SORCS3: variants seen among roughly 807,000 people sequenced by gnomAD.
SORCS3 encodes the protein VPS10 domain-containing receptor SorCS3.
Under a neutral mutation model 146.3 loss-of-function variants are expected in SORCS3, and 57 were observed. That is an observed-to-expected ratio of 0.39 (90% CI 0.31 to 0.49). The LOEUF (loss-of-function observed/expected upper bound fraction) is 0.49, where lower values mean the gene tolerates loss of function less well. SORCS3 is among the 20% of genes least tolerant of loss of function. The probability of loss-of-function intolerance (pLI) is 0.92; values close to 1 mark genes in which losing one functional copy is unlikely to be tolerated. For synonymous variants in SORCS3, 653 were observed against 618.5 expected (o/e 1.06, Z -0.83); for missense variants, 1,341 against 1,575.5 (o/e 0.85, Z 2.52).
At chr10:104,681,034 T>G (rs1033296386) in intron 1 of SORCS3, among the ~76,000 whole-genome samples, 3 of 152,200 alleles carry the variant, frequency 2.0e-5, no homozygotes, top group Non-Finnish European at 4.4e-5. Context: ...GAGCTCCGCC[T>G]CGGTTCCCCT....
At chr10:105,083,729 A>T (rs1248875057) in intron 5 of SORCS3, among the ~76,000 whole-genome samples, 1 of 152,140 alleles carries the variant, frequency 6.6e-6, no homozygotes, top group Non-Finnish European at 1.5e-5. Flanking sequence ...CTTCTTACCA[A>T]TTACCTTCAA....
intron 1 of SORCS3, among the ~76,000 whole-genome samples, chr10:104,660,678 G>T (rs567727437): frequency 6.6e-6 from 1 of 152,182 alleles, no homozygotes; most frequent in African/African-American, 2.4e-5. Context: ...AATGAGTTGG[G>T]GATGGTTTGG....
chr10:105,036,397 A>G (rs2055306982), intron 4 of SORCS3, among the ~76,000 whole-genome samples: 1 of 152,016 alleles, frequency 6.6e-6, no homozygotes, highest in South Asian at 2.1e-4. Context: ...AGATCAGGGA[A>G]CCTTGTGCTA....
At chr10:105,073,154 AAG>A (rs10598929) in intron 5 of SORCS3, among the ~76,000 whole-genome samples, 104,481 of 151,772 alleles carry the variant, frequency 0.69, 36,152 homozygotes, top group East Asian at 0.83. Context: ...CACACTGAGG[AAG>A]AGACAGGAAA....
intron 7 of SORCS3, among the ~76,000 whole-genome samples, chr10:105,110,638 G>A (rs1239672778): frequency 6.6e-6 from 1 of 151,938 alleles, no homozygotes; most frequent in Admixed American, 6.6e-5. Context: ...GGGTCCTTCT[G>A]ATAAGACAGA....
intron 20 of SORCS3, among the ~76,000 whole-genome samples, chr10:105,240,012 T>A (rs986031869): frequency 3.3e-5 from 5 of 152,202 alleles, no homozygotes; most frequent in Non-Finnish European, 7.3e-5. Context: ...GGACCAAGTG[T>A]TCCCATTCAG....
At chr10:104,684,521 T>C (rs2016018500) in intron 1 of SORCS3, among the ~76,000 whole-genome samples, 1 of 152,186 alleles carries the variant, frequency 6.6e-6, no homozygotes, top group Non-Finnish European at 1.5e-5. Context: ...TAAGGCTGAC[T>C]CCTTGCCCTT....
chr10:105,003,998 C>CTTTTTTTTTTTTTTTTTTTTTTTTTTTT lies in SORCS3; in HGVS notation c.954+26506_954+26507insTTTTTTTTTTTTTTTTTTTTTTTTTTTT, dbSNP rs35604992. On this transcript the variant is annotated intron_variant, in intron 4 of 26. Coordinates refer to ENST00000369701, the MANE Select transcript of SORCS3 (RefSeq NM_014978.3). ...TTCCCCTCCTTTTTTTCTCTTCTCT[C>CTTTTTTTTTTTTTTTTTTTTTTTTTTTT]TCTTTTTTTTTTTTTTACCAGAGAA... 1.5e-4 allele frequency among the ~76,000 whole-genome samples: 21 copies of CTTTTTTTTTTTTTTTTTTTTTTTTTTTT among 136,032 alleles called. 2 individuals carry two copies. The highest frequency in any genetic ancestry group is 4.5e-4 in the South Asian group (2 of 4,458). The allele number at this position is 136,032 out of a possible 152,430, so 89.2% of individuals were successfully genotyped here. A position where few individuals can be genotyped will look rare whatever the true frequency, so the allele number is the denominator to read the frequency against.
At chr10:104,756,141 C>T (rs754780272) in intron 1 of SORCS3, among the ~76,000 whole-genome samples, 3 of 152,102 alleles carry the variant, frequency 2.0e-5, no homozygotes, top group Non-Finnish European at 4.4e-5. Context: ...CTCTGAGCCT[C>T]GCAACACTAT....
chr10:104,719,079 A>T (rs1450483860), intron 1 of SORCS3, among the ~76,000 whole-genome samples: 1 of 152,166 alleles, frequency 6.6e-6, no homozygotes, highest in Non-Finnish European at 1.5e-5. Context: ...TGTAATTACT[A>T]TAAAAATATT....
chr10:104,739,538 G>A (rs924879098), intron 1 of SORCS3, among the ~76,000 whole-genome samples: 1 of 152,088 alleles, frequency 6.6e-6, no homozygotes, highest in Non-Finnish European at 1.5e-5. Context: ...CATCACCAAC[G>A]AGTCAAGACA....
At chr10:105,154,962 T>G (rs917041757) in intron 9 of SORCS3, among the ~76,000 whole-genome samples, 4 of 152,184 alleles carry the variant, frequency 2.6e-5, no homozygotes, top group African/African-American at 7.2e-5. Context: ...CTTTGAACTA[T>G]CCAAACACAA....
intron 23 of SORCS3, 48 bp from the exon 24 acceptor site, chr10:105,255,654 C>A: frequency 7.8e-7 from 1 of 1,283,672 alleles, no homozygotes; most frequent in Non-Finnish European, 1.1e-6. Context: ...CATGAGGGAG[C>A]ATCATTGCAT....
intron 1 of SORCS3, among the ~76,000 whole-genome samples, chr10:104,683,491 C>G (rs1302868186): frequency 6.6e-6 from 1 of 152,150 alleles, no homozygotes; most frequent in Non-Finnish European, 1.5e-5. Flanking sequence ...ATGATTTTTG[C>G]CCTCAGCATG....
rs1356146944 is a variant in SORCS3, at chr10:104,977,430, C to G, written c.891C>G (p.Ile297Met). The G allele has an allele frequency of 6.2e-7, 1 of 1,613,674 alleles. No homozygotes were observed. The highest frequency in any genetic ancestry group is 8.5e-7 in the Non-Finnish European group (1 of 1,179,886). ...AGAAGTATCGGCTCACCTTCTATAT[C>G]CAGAGCCTGCTCTTTCATCCCAAGC... is the stretch of plus-strand genomic sequence containing the variant. Reference protein sequence around the residue: ...TYQKYRLTFYIQSLLFHPKQE... With the variant: ...TYQKYRLTFYMQSLLFHPKQE... The change falls in exon 4 of 27, where the codon ATC (isoleucine) becomes ATG (methionine). Residue 297 changes from isoleucine (I) to methionine (M), a missense_variant. Coordinates refer to ENST00000369701, the MANE Select transcript of SORCS3 (RefSeq NM_014978.3).
chr10:104,946,566 A>G (rs1420499681), intron 3 of SORCS3, among the ~76,000 whole-genome samples: 2 of 152,148 alleles, frequency 1.3e-5, no homozygotes, highest in African/African-American at 2.4e-5. Context: ...TAAACAATAA[A>G]ACCCATCTCC....
rs548459659 is a variant in SORCS3 at position 104,852,448 on chromosome 10, A to G, written c.695+9589A>G. 2.0e-4 allele frequency among the ~76,000 whole-genome samples: 31 copies of G among 152,282 alleles called. 1 individual carries two copies. In the South Asian group the frequency reaches 5.8e-3, roughly 28 times the overall value. On this transcript the variant is annotated intron_variant, in intron 2 of 26. Coordinates refer to ENST00000369701, the MANE Select transcript of SORCS3 (RefSeq NM_014978.3). ...TGGATATTTGCCTAAGTGATTTTCA[A>G]TTCACGTGGATTATGAGAATCACCT... is the stretch of plus-strand genomic sequence containing the variant.
At chr10:104,643,477 C>T (rs1176352885) in intron 1 of SORCS3, among the ~76,000 whole-genome samples, 2 of 152,338 alleles carry the variant, frequency 1.3e-5, no homozygotes, top group South Asian at 2.1e-4. Flanking sequence ...CGCAGCAGCG[C>T]GATGGCGGGC....
chr10:104,911,358 T>A (rs778711425), intron 2 of SORCS3, among the ~76,000 whole-genome samples: 18 of 152,226 alleles, frequency 1.2e-4, no homozygotes, highest in Non-Finnish European at 1.9e-4. Context: ...GACTGAGACA[T>A]AGAGGGTGTC....
Sources: allele counts gnomAD v4.1 joint callset (sites outside exome capture counted in the v4.1 genomes callset), GRCh38; gene constraint gnomAD v4.1.1; transcripts MANE v1.5; gene names NCBI Gene and HGNC (gene_info 2026-07-23, HGNC 2026-07-21).